Variants in UTRN observed in about 807,000 individuals in gnomAD.
UTRN encodes dystrophin-related protein 1.
In UTRN, 283 loss-of-function variants were observed where a neutral mutation model predicts 463.9. That is an observed-to-expected ratio of 0.61 (90% CI 0.55 to 0.67). The LOEUF is 0.67. Ranked by LOEUF, UTRN falls within the 30% of genes least tolerant of loss-of-function variation. The pLI is 0.00. For missense variants in UTRN, 3,922 were observed against 4,084.3 expected, an observed-to-expected ratio of 0.96 and a Z score of 1.08; for synonymous variants, 1,442 against 1,431.5, an observed-to-expected ratio of 1.01 and a Z score of -0.17.
intron 2 of UTRN, among the ~76,000 whole-genome samples, chr6:144,310,122 A>G (rs2114555254): frequency 6.6e-6 from 1 of 152,390 alleles, no homozygotes. Context: ...AGTATCTAGA[A>G]CAGTGCCTGA....
intron 68 of UTRN, 96 bp from the exon 69 acceptor site, chr6:144,828,694 A>G (rs1423702860): frequency 8.0e-6 from 10 of 1,243,248 alleles, no homozygotes; most frequent in Non-Finnish European, 1.2e-5. Context: ...ATGTTTTGTC[A>G]GAATTTTGAC....
chr6:144,600,346 A>C (rs1804114833), intron 51 of UTRN, among the ~76,000 whole-genome samples: 1 of 152,248 alleles, frequency 6.6e-6, no homozygotes, highest in African/African-American at 2.4e-5. Context: ...TCTTGCATCC[A>C]ACAGTTGGCC....
chr6:144,524,449 A>C (rs1036546955), intron 41 of UTRN, among the ~76,000 whole-genome samples: 4 of 152,078 alleles, frequency 2.6e-5, no homozygotes, highest in African/African-American at 9.7e-5. Context: ...TTATTTAAAA[A>C]AACTTTGCCA....
chr6:144,585,441 A>G (rs1802378911), intron 51 of UTRN, among the ~76,000 whole-genome samples: 2 of 152,250 alleles, frequency 1.3e-5, no homozygotes, highest in South Asian at 4.1e-4. Context: ...GCAGTGACAT[A>G]GGAGATTTTG....
intron 53 of UTRN, among the ~76,000 whole-genome samples, chr6:144,723,060 C>T (rs1787384453): frequency 6.6e-6 from 1 of 152,160 alleles, no homozygotes; most frequent in South Asian, 2.1e-4. Context: ...AAACCATGCC[C>T]TAAGGGGTTA....
chr6:144,343,363 AACACACACACACACACACAC>A (rs3061626), intron 2 of UTRN, among the ~76,000 whole-genome samples: 6 of 135,332 alleles, frequency 4.4e-5, no homozygotes, highest in South Asian at 2.5e-4. Context: ...GTCTCTACTA[AACACACACACACACACACAC>A]ACACACACAC....
At chr6:144,597,235 CAA>C (rs67471247) in intron 51 of UTRN, among the ~76,000 whole-genome samples, 10 of 85,708 alleles carry the variant, frequency 1.2e-4, no homozygotes, top group African/African-American at 1.2e-4. Flanking sequence ...GAGACTGTCT[CAA>C]AAAAAAAAAA....
At chr6:144,593,815 C>T (rs760697826) in intron 51 of UTRN, among the ~76,000 whole-genome samples, 155 of 152,152 alleles carry the variant, frequency 1.0e-3, no homozygotes, top group Middle Eastern at 6.8e-3. Context: ...GCTATGTATG[C>T]CAGATCTTTT....
intron 65 of UTRN, 71 bp from the exon 66 acceptor site, chr6:144,820,811 T>G: frequency 6.6e-7 from 1 of 1,525,182 alleles, no homozygotes; most frequent in South Asian, 1.3e-5. Context: ...TTACATCGGC[T>G]CTGATTTTGT....
chr6:144,653,091 G>A (rs1298146169), intron 51 of UTRN, among the ~76,000 whole-genome samples: 2 of 152,138 alleles, frequency 1.3e-5, no homozygotes, highest in Non-Finnish European at 2.9e-5. Context: ...ACATTGAAAT[G>A]TTTCATTCTA....
chr6:144,532,998 A>G (rs1448598435), intron 42 of UTRN, 87 bp from the exon 43 acceptor site: 8 of 663,550 alleles, frequency 1.2e-5, no homozygotes, highest in East Asian at 8.7e-5. Flanking sequence ...TCACACTTAA[A>G]TTGATACCAC....
chr6:144,377,281 C>T (rs186541982), intron 2 of UTRN, among the ~76,000 whole-genome samples: 44 of 152,326 alleles, frequency 2.9e-4, no homozygotes, highest in African/African-American at 1.1e-3. Flanking sequence ...AAGTGATCTA[C>T]CTGCCTCAGC....
At chr6:144,397,801 T>G (rs1001731842) in intron 2 of UTRN, among the ~76,000 whole-genome samples, 1 of 152,208 alleles carries the variant, frequency 6.6e-6, no homozygotes, top group Non-Finnish European at 1.5e-5. Flanking sequence ...GGAAGTGCAT[T>G]GAACACAGGC....
rs1231682206 is a variant in UTRN, at chr6:144,479,910, G to A, written c.3435G>A (p.Glu1145=). The A allele has an allele frequency of 6.2e-7, 1 of 1,614,186 alleles. No homozygotes were observed. The highest frequency in any genetic ancestry group is 1.1e-5 in the South Asian group (1 of 91,084). ...TGCAGGAATGGATGACCCAGGCCGA[G>A]GAAGAATATTTGGAGCGGGATTTTG... is the stretch of plus-strand genomic sequence containing the variant. ...AEMQEWMTQA[E]EEYLERDFEY... The change falls in exon 26 of 75, where the codon GAG becomes GAA. Residue 1145 remains glutamate (E), a synonymous_variant. Transcript: ENST00000367545.
intron 51 of UTRN, among the ~76,000 whole-genome samples, chr6:144,630,768 T>C (rs1776425562): frequency 6.6e-6 from 1 of 152,140 alleles, no homozygotes; most frequent in Non-Finnish European, 1.5e-5. Context: ...GTTTCCTCGG[T>C]TTGTAGTCCT....
intron 2 of UTRN, among the ~76,000 whole-genome samples, chr6:144,334,155 G>C (rs1394749828): frequency 3.9e-5 from 6 of 152,102 alleles, no homozygotes; most frequent in Admixed American, 3.9e-4. Flanking sequence ...TTGGGTTTCT[G>C]TGCCTGGGCT....
At chr6:144,434,229 G>C (rs144341834) in intron 9 of UTRN, among the ~76,000 whole-genome samples, 2,984 of 152,204 alleles carry the variant, frequency 0.02, 100 homozygotes, top group African/African-American at 0.069. Context: ...TGCAATTGCA[G>C]GCACTCGGCA....
At chr6:144,794,812 C>A (rs549112896) in intron 63 of UTRN, among the ~76,000 whole-genome samples, 1 of 152,180 alleles carries the variant, frequency 6.6e-6, no homozygotes. Flanking sequence ...TTCATTGCAA[C>A]CTTTCTTGCT....
intron 2 of UTRN, among the ~76,000 whole-genome samples, chr6:144,368,876 G>T (rs1040512275): frequency 6.6e-6 from 1 of 152,232 alleles, no homozygotes; most frequent in Non-Finnish European, 1.5e-5. Context: ...GAGCTCTAAT[G>T]ACAGTTCTTT....
Sources: allele counts gnomAD v4.1 joint callset (sites outside exome capture counted in the v4.1 genomes callset), GRCh38; gene constraint gnomAD v4.1.1; transcripts MANE v1.5; gene names NCBI Gene and HGNC (gene_info 2026-07-23, HGNC 2026-07-21).